CHN1: variants seen among roughly 807,000 people sequenced by gnomAD.
CHN1 encodes N-chimaerin.
Under a neutral mutation model 59.5 loss-of-function variants are expected in CHN1, and 37 were observed. The ratio of observed to expected loss-of-function variants is 0.62; its 90% CI spans 0.48 to 0.82. The LOEUF is 0.82. Ranked by LOEUF, CHN1 falls within the 40% of genes least tolerant of loss-of-function variation. The pLI is 0.00. For missense variants in CHN1, 469 were observed against 571.0 expected (o/e 0.82, Z 1.82); for synonymous variants, 206 against 200.4 (o/e 1.03, Z -0.24).
At position 174,839,013 on chromosome 2, in the gene CHN1, T is replaced by C. The variant is rs1686194853; in HGVS notation, c.627+7867A>G. On this transcript the variant is annotated intron_variant, in intron 7 of 12. Transcript: ENST00000409900. ...GCCTCGGCGACAGAGTGAGACTCTG[T>C]CTTAAAAAAAAAAAAAAATTTAGAA... is the stretch of plus-strand genomic sequence containing the variant. 3.3e-5 allele frequency among the ~76,000 whole-genome samples: 5 copies of C among 149,636 alleles called. 1 individual carries two copies. In the South Asian group the frequency reaches 1.0e-3, roughly 31 times the overall value.
Position 174,878,055 on chromosome 2 carries a change from A to C in CHN1, c.334T>G (p.Ser112Ala), listed in dbSNP as rs1687625972. 6.2e-7 allele frequency: 1 copy of C among 1,613,490 alleles called. No homozygotes were observed. Among genetic ancestry groups the C allele is most frequent in the South Asian group, 1.1e-5 (1 of 91,018 alleles). The change falls in exon 6 of 13, where the codon TCC (serine) becomes GCC (alanine). Residue 112 changes from serine to alanine, a missense_variant. By Grantham distance (99) the Ser-to-Ala change is moderately conservative. Transcript: ENST00000409900. ...KHFVGEKRFESIHDLVTDGLI... is the reference protein window; with the variant it reads ...KHFVGEKRFEAIHDLVTDGLI... ...CCATCAGTCACCAGATCGTGGATGGACTCAAAGCGTTTCTCCCCAACAAAG... is the reference window on the plus strand; with the variant it reads ...CCATCAGTCACCAGATCGTGGATGGCCTCAAAGCGTTTCTCCCCAACAAAG...
chr2:174,865,709 C>G (rs1687196923), intron 6 of CHN1, among the ~76,000 whole-genome samples: 1 of 152,094 alleles, frequency 6.6e-6, no homozygotes, highest in Admixed American at 6.5e-5. Flanking sequence ...TTGATTGGCT[C>G]AAAGATTTAT....
chr2:174,880,595 G>A (rs1375158572), intron 5 of CHN1, among the ~76,000 whole-genome samples: 1 of 152,172 alleles, frequency 6.6e-6, no homozygotes, highest in African/African-American at 2.4e-5. Flanking sequence ...GAAGTTCACT[G>A]CTTGCAGACT....
At chr2:174,813,742 C>T (rs1254537989) in intron 8 of CHN1, among the ~76,000 whole-genome samples, 3 of 152,084 alleles carry the variant, frequency 2.0e-5, no homozygotes, top group African/African-American at 7.2e-5. Context: ...TAAATCTAGT[C>T]CAAGTGGTGC....
At chr2:174,880,873 C>G (rs1027467720) in intron 5 of CHN1, among the ~76,000 whole-genome samples, 8 of 151,928 alleles carry the variant, frequency 5.3e-5, no homozygotes, top group Admixed American at 2.0e-4. Context: ...CATGGAGAAA[C>G]CTGTCTCTAC....
Position 174,804,849 on chromosome 2 carries a change from C to G in CHN1, c.1103-3037G>C, listed in dbSNP as rs902740267. ...GCTGACTGTGGATTAATCTGGTGTT[C>G]AGGTAGAGGACATTTACATCTCCAG... On this transcript the variant is annotated intron_variant, in intron 11 of 12. Transcript: ENST00000409900. Among the ~76,000 whole-genome samples the G allele has an allele frequency of 6.2e-4, 94 of 152,158 alleles. 4 individuals are homozygous for G. The highest frequency in any genetic ancestry group is 3.2e-4 in the Non-Finnish European group (22 of 68,026).
intron 1 of CHN1, among the ~76,000 whole-genome samples, chr2:174,960,149 T>A (rs1029684132): frequency 2.6e-5 from 4 of 152,062 alleles, no homozygotes; most frequent in Admixed American, 1.3e-4. Context: ...AACATGAGAG[T>A]GTAACAGGTC....
At chr2:174,881,299 T>G (rs1036309310) in intron 5 of CHN1, among the ~76,000 whole-genome samples, 1 of 152,140 alleles carries the variant, frequency 6.6e-6, no homozygotes, top group Non-Finnish European at 1.5e-5. Flanking sequence ...TCTCCTGTAG[T>G]CTTGAAATAT....
intron 7 of CHN1, among the ~76,000 whole-genome samples, chr2:174,832,029 AC>A (rs1316139640): frequency 1.3e-5 from 2 of 152,158 alleles, no homozygotes; most frequent in Non-Finnish European, 2.9e-5. Context: ...AGACCAGTCT[AC>A]AATGTCTTGT....
At chr2:174,958,194 G>A (rs533681029) in intron 1 of CHN1, among the ~76,000 whole-genome samples, 1 of 149,486 alleles carries the variant, frequency 6.7e-6, no homozygotes, top group South Asian at 2.1e-4. Flanking sequence ...GAGGGAGGGT[G>A]GGCATGTGTC....
intron 5 of CHN1, 41 bp downstream of exon 5, chr2:174,915,017 T>A (rs1202255467): frequency 1.2e-5 from 15 of 1,250,104 alleles, no homozygotes; most frequent in Non-Finnish European, 1.6e-5. Flanking sequence ...TTAAGAGAGT[T>A]TTAAATAAAG....
intron 3 of CHN1, among the ~76,000 whole-genome samples, chr2:174,941,898 C>T (rs1389382931): frequency 6.6e-6 from 1 of 151,890 alleles, no homozygotes; most frequent in Non-Finnish European, 1.5e-5. Context: ...GTTACTTAAG[C>T]CAAGAAGTAT....
intron 5 of CHN1, among the ~76,000 whole-genome samples, chr2:174,898,720 C>A (rs1390304870): frequency 6.6e-6 from 1 of 152,072 alleles, no homozygotes; most frequent in South Asian, 2.1e-4. Context: ...TTTTTTTCTA[C>A]AAGATCATGT....
chr2:174,867,564 C>T (rs1157615325), intron 6 of CHN1, among the ~76,000 whole-genome samples: 1 of 151,648 alleles, frequency 6.6e-6, no homozygotes, highest in Non-Finnish European at 1.5e-5. Flanking sequence ...TTTTTGTATT[C>T]TGGGTGTGAA....
rs71031071 is a variant in CHN1, at chr2:174,807,446, C to CTGTGTGTGTGTGTG, written c.1102+1445_1102+1458dup. Among the ~76,000 whole-genome samples, 290 of 83,838 alleles carry CTGTGTGTGTGTGTG rather than the reference C, an allele frequency of 3.5e-3. 17 individuals carry two copies. Among genetic ancestry groups the CTGTGTGTGTGTGTG allele is most frequent in the East Asian group, 7.7e-3 (18 of 2,328 alleles). 55.0% of individuals were successfully genotyped at this position (83,838 alleles called of 152,430 possible). A position where few individuals can be genotyped will look rare whatever the true frequency, so the allele number is the denominator to read the frequency against. ...GACTAGGCAGCTTTTCACGGGCTAT[C>CTGTGTGTGTGTGTG]TGTGTGTGTGTGTGTGTGTGTGTGT... On this transcript the variant is annotated intron_variant, in intron 11 of 12. Coordinates refer to ENST00000409900, the MANE Select transcript of CHN1 (RefSeq NM_001822.7).
At chr2:174,988,605 G>T in intron 1 of CHN1, among the ~76,000 whole-genome samples, 1 of 151,966 alleles carries the variant, frequency 6.6e-6, no homozygotes, top group African/African-American at 2.4e-5. Flanking sequence ...ATATTCTATG[G>T]CAGCTTTCTC....
At chr2:174,907,910 A>C (rs529662863) in intron 5 of CHN1, among the ~76,000 whole-genome samples, 4 of 152,316 alleles carry the variant, frequency 2.6e-5, no homozygotes, top group African/African-American at 7.2e-5. Context: ...TTTTTAAAAG[A>C]AAATATAATT....
intron 12 of CHN1, 53 bp from the exon 13 acceptor site, chr2:174,800,340 C>T (rs1684680597): frequency 7.6e-7 from 1 of 1,315,448 alleles, no homozygotes; most frequent in Non-Finnish European, 9.9e-7. Flanking sequence ...ATATGTTCTT[C>T]ATTGTGCTTG....
At position 174,800,010 on chromosome 2, in the gene CHN1, T is replaced by C. The variant is rs1574029056; in HGVS notation, c.*106A>G. The C allele has an allele frequency of 9.2e-7, 1 of 1,084,168 alleles. No individual in the cohort carries two copies. The highest frequency in any genetic ancestry group is 1.4e-6 in the Non-Finnish European group (1 of 733,628). 67.2% of individuals were successfully genotyped at this position (1,084,168 alleles called of 1,614,324 possible). Reference sequence around the variant, plus strand: ...GTTCCTTCACTTTAATCTGGTTATATGCCCAAACCTCTAATCAAGAAATAA... The same window carrying C: ...GTTCCTTCACTTTAATCTGGTTATACGCCCAAACCTCTAATCAAGAAATAA... On this transcript the variant is annotated 3_prime_UTR_variant, in exon 13 of 13. Coordinates refer to ENST00000409900, the MANE Select transcript of CHN1 (RefSeq NM_001822.7).
Sources: gnomAD v4.1 joint callset for allele counts (sites outside exome capture counted in the v4.1 genomes callset) on GRCh38, gnomAD v4.1.1 for gene constraint, MANE v1.5 for transcripts, NCBI Gene and HGNC (gene_info 2026-07-23, HGNC 2026-07-21) for gene names.